GRIP1: variants seen among roughly 807,000 people sequenced by gnomAD.
The protein encoded by GRIP1 is glutamate receptor interacting protein 1.
In GRIP1, 45 loss-of-function variants were observed where a neutral mutation model predicts 129.9. The observed-to-expected ratio is 0.35, with a 90% CI of 0.27 to 0.44. The LOEUF (loss-of-function observed/expected upper bound fraction) is 0.44. GRIP1 is among the 20% of genes least tolerant of loss of function. GRIP1 has a pLI of 1.00. For missense variants in GRIP1, 1,196 were observed against 1,396.8 expected (o/e 0.86, Z 2.29); for synonymous variants, 530 against 520.8 (o/e 1.02, Z -0.24).
chr12:66,473,113 C>G lies in GRIP1; in HGVS notation c.725-7691G>C, dbSNP rs146770773. Among the ~76,000 whole-genome samples, 44 of 152,246 alleles carry G rather than the reference C, an allele frequency of 2.9e-4. No individual in the cohort carries two copies. In the East Asian group the frequency reaches 7.7e-3, roughly 27 times the overall value. On this transcript the variant is annotated intron_variant, in intron 7 of 24. Coordinates refer to ENST00000359742, the MANE Select transcript of GRIP1 (RefSeq NM_001366722.1). The stretch of plus-strand genomic sequence containing the variant: ...CACTGCCAGCATAGCAGTCTAGAGT[C>G]GACTTGGGATGCTGAAGTTTGGTGG...
At chr12:66,740,749 C>A (rs1321624858) in intron 1 of GRIP1, among the ~76,000 whole-genome samples, 2 of 151,956 alleles carry the variant, frequency 1.3e-5, no homozygotes, top group African/African-American at 2.4e-5. Context: ...CTCACAACAA[C>A]TCATGAATAT....
intron 2 of GRIP1, among the ~76,000 whole-genome samples, chr12:66,556,630 T>C (rs1177515101): frequency 6.6e-6 from 1 of 150,422 alleles, no homozygotes; most frequent in East Asian, 2.0e-4. Flanking sequence ...ATAGCCAGTA[T>C]GATAAAACAT....
At chr12:66,395,454 C>T (rs568658002) in intron 16 of GRIP1, among the ~76,000 whole-genome samples, 77 of 152,214 alleles carry the variant, frequency 5.1e-4, no homozygotes, top group Non-Finnish European at 1.0e-3. Flanking sequence ...TGTTCGTTTA[C>T]GATATGAAAT....
At chr12:66,489,574 C>T (rs1210493587) in intron 7 of GRIP1, among the ~76,000 whole-genome samples, 1 of 152,166 alleles carries the variant, frequency 6.6e-6, no homozygotes, top group Non-Finnish European at 1.5e-5. Context: ...GATGCCCTCT[C>T]TTACCACTCC....
intron 1 of GRIP1, among the ~76,000 whole-genome samples, chr12:66,775,122 A>G (rs2037937729): frequency 6.6e-6 from 1 of 152,182 alleles, no homozygotes; most frequent in East Asian, 1.9e-4. Flanking sequence ...ATGTGAAATT[A>G]AATTAAAGGA....
At position 66,886,289 on chromosome 12, in the gene GRIP1, C is replaced by T. The variant is rs533522025; in HGVS notation, c.58+182761G>A. On this transcript the variant is annotated intron_variant, in intron 1 of 1. Coordinates refer to the GRIP1 transcript ENST00000643019. ...AAAAAACAAAACAAACAAAGATTATCCCCAAATCCTATATAATTGAGGCTT... is the reference window on the plus strand; with the variant it reads ...AAAAAACAAAACAAACAAAGATTATTCCCAAATCCTATATAATTGAGGCTT... Among the ~76,000 whole-genome samples, 9 of 152,040 alleles carry T rather than the reference C, an allele frequency of 5.9e-5. No individual in the cohort carries two copies. In the South Asian group the frequency reaches 1.9e-3, roughly 32 times the overall value.
intron 1 of GRIP1, among the ~76,000 whole-genome samples, chr12:66,906,398 C>T (rs1420102330): frequency 1.3e-5 from 2 of 152,020 alleles, no homozygotes; most frequent in Admixed American, 1.3e-4. Context: ...CACCACCGAA[C>T]TCAGCCTGGG....
chr12:66,348,325 T>TA lies in GRIP1; in HGVS notation c.*693dup, dbSNP rs1176330993. On this transcript the variant is annotated 3_prime_UTR_variant, in exon 25 of 25. Transcript: ENST00000359742. ...TTCATTATCAGAGATTTTCAGCTAT[T>TA]AAAAATGTGTCCTTAAAAAAAAAAC... 6.6e-6 allele frequency: 1 copy of TA among 151,750 alleles called. No homozygotes were observed. The highest frequency in any genetic ancestry group is 1.5e-5 in the Non-Finnish European group (1 of 67,978). The allele number at this position is 151,750 out of a possible 1,614,324, so 9.4% of individuals were successfully genotyped here.
intron 1 of GRIP1, among the ~76,000 whole-genome samples, chr12:66,837,678 T>C (rs893532953): frequency 1.3e-5 from 2 of 152,182 alleles, no homozygotes; most frequent in African/African-American, 4.8e-5. Context: ...AAAATTACTC[T>C]GTTGGTGGTA....
intron 1 of GRIP1, among the ~76,000 whole-genome samples, chr12:66,876,123 T>C (rs1445138992): frequency 6.6e-6 from 1 of 151,908 alleles, no homozygotes; most frequent in Non-Finnish European, 1.5e-5. Context: ...CAAAAAAATC[T>C]GCAAGAGCGA....
At chr12:66,528,861 G>A (rs553021385) in intron 5 of GRIP1, among the ~76,000 whole-genome samples, 76 of 152,178 alleles carry the variant, frequency 5.0e-4, no homozygotes, top group African/African-American at 1.7e-3. Context: ...TTCTAACCCA[G>A]AGAGTGAGAG....
intron 1 of GRIP1, among the ~76,000 whole-genome samples, chr12:66,860,809 G>A (rs1249811763): frequency 1.3e-5 from 2 of 152,004 alleles, no homozygotes; most frequent in Non-Finnish European, 2.9e-5. Context: ...TTTTTTATAA[G>A]CACCAGATAG....
chr12:66,679,453 A>C (rs2034495800), upstream of GRIP1, among the ~76,000 whole-genome samples: 1 of 147,582 alleles, frequency 6.8e-6, no homozygotes. Context: ...CCAAAAAAAA[A>C]AAAAAAAAAA....
At chr12:67,034,417 T>C (rs2043065457) in intron 1 of GRIP1, among the ~76,000 whole-genome samples, 1 of 152,208 alleles carries the variant, frequency 6.6e-6, no homozygotes, top group African/African-American at 2.4e-5. Flanking sequence ...TGGTATGGCC[T>C]GCTACACACC....
At chr12:66,730,296 G>A (rs2036392757) in intron 1 of GRIP1, among the ~76,000 whole-genome samples, 3 of 152,122 alleles carry the variant, frequency 2.0e-5, no homozygotes, top group Admixed American at 2.0e-4. Context: ...CTATAAAATA[G>A]TATCTATCAC....
upstream of GRIP1, among the ~76,000 whole-genome samples, chr12:66,681,951 T>C (rs1278113110): frequency 6.6e-6 from 1 of 152,164 alleles, no homozygotes. Flanking sequence ...ACACATAATG[T>C]ATCATGGAGC....
At chr12:67,029,732 G>A (rs1164326707) in intron 1 of GRIP1, among the ~76,000 whole-genome samples, 8 of 152,036 alleles carry the variant, frequency 5.3e-5, no homozygotes, top group African/African-American at 1.7e-4. Context: ...AAGCAATAAC[G>A]GACATGTGCT....
At chr12:66,618,297 A>T (rs1162236360) in intron 1 of GRIP1, among the ~76,000 whole-genome samples, 1 of 152,190 alleles carries the variant, frequency 6.6e-6, no homozygotes, top group African/African-American at 2.4e-5. Flanking sequence ...ATTTTGTTTT[A>T]AAAACAGAAA....
intron 1 of GRIP1, among the ~76,000 whole-genome samples, chr12:66,964,049 G>A (rs1037286204): frequency 6.6e-6 from 1 of 151,886 alleles, no homozygotes; most frequent in Non-Finnish European, 1.5e-5. Context: ...CGTTAGCTGA[G>A]TCTTCTCATC....
Sources: allele counts gnomAD v4.1 joint callset (sites outside exome capture counted in the v4.1 genomes callset), GRCh38; gene constraint gnomAD v4.1.1; transcripts MANE v1.5; gene names NCBI Gene and HGNC (gene_info 2026-07-23, HGNC 2026-07-21).